Variants in CRPPA observed in about 807,000 individuals in gnomAD.
The protein encoded by CRPPA is CDP-L-ribitol pyrophosphorylase A.
In CRPPA, 43 loss-of-function variants were observed where a neutral mutation model predicts 52.0. The ratio of observed to expected loss-of-function variants is 0.83; its 90% CI spans 0.65 to 1.07. The LOEUF is 1.07. Among genes scored for constraint, CRPPA ranks in the 50% least tolerant of loss-of-function variants. The pLI is 0.00. For missense variants in CRPPA, 629 were observed against 551.7 expected (o/e 1.14, Z -1.40); for synonymous variants, 250 against 203.5 (o/e 1.23, Z -1.94).
At chr7:16,389,928 A>AAAAAAAAAAAAAAAAAAAAATATATAT in intron 2 of CRPPA, among the ~76,000 whole-genome samples, 1 of 29,758 alleles carries the variant, frequency 3.4e-5, no homozygotes, top group Non-Finnish European at 5.3e-5. Context: ...AAAAAAAAAA[A>AAAAAAAAAAAAAAAAAAAAATATATAT]ATATATATAT....
chr7:16,315,134 C>A (rs546653143), intron 3 of CRPPA, among the ~76,000 whole-genome samples: 1 of 152,234 alleles, frequency 6.6e-6, no homozygotes, highest in Admixed American at 6.5e-5. Context: ...AGTCTTTCCT[C>A]ATTCATGTCT....
chr7:16,236,328 T>C (rs1207988609), intron 8 of CRPPA, among the ~76,000 whole-genome samples: 4 of 152,098 alleles, frequency 2.6e-5, no homozygotes, highest in South Asian at 2.1e-4. Context: ...TGGGACTACC[T>C]TGACAACACT....
Position 16,262,298 on chromosome 7 carries a change from A to G in CRPPA, c.934-3286T>C, listed in dbSNP as rs186815596. Among the ~76,000 whole-genome samples the G allele has an allele frequency of 5.8e-3, 883 of 152,222 alleles. 5 individuals are homozygous for G. The highest frequency in any genetic ancestry group is 8.5e-3 in the Non-Finnish European group (581 of 67,988). ...TCTACTTTAGCTACCATTTTTTTAAATTGGAATATGCTGCAATTATCTTGA... is the reference window on the plus strand; with the variant it reads ...TCTACTTTAGCTACCATTTTTTTAAGTTGGAATATGCTGCAATTATCTTGA... On this transcript the variant is annotated intron_variant, in intron 6 of 9. Transcript: ENST00000407010.
At chr7:16,360,015 G>C (rs1052436477) in intron 3 of CRPPA, among the ~76,000 whole-genome samples, 2 of 152,026 alleles carry the variant, frequency 1.3e-5, no homozygotes, top group Admixed American at 6.6e-5. Flanking sequence ...TTTATTTTTT[G>C]TCTCCTGTTG....
intron 9 of CRPPA, among the ~76,000 whole-genome samples, chr7:16,176,546 T>A (rs1781300396): frequency 6.6e-6 from 1 of 152,146 alleles, no homozygotes; most frequent in Non-Finnish European, 1.5e-5. Context: ...ATGAAGCAAC[T>A]CTCAATTATA....
chr7:16,305,405 A>G (rs1003993915), intron 4 of CRPPA, among the ~76,000 whole-genome samples: 2 of 152,230 alleles, frequency 1.3e-5, no homozygotes, highest in Non-Finnish European at 2.9e-5. Flanking sequence ...CTCCCTTTGA[A>G]GCATGGCATT....
intron 9 of CRPPA, among the ~76,000 whole-genome samples, chr7:16,114,288 GCACACATACA>G (rs1457296848): frequency 7.7e-6 from 1 of 130,690 alleles, no homozygotes; most frequent in Admixed American, 8.5e-5. Flanking sequence ...AAGTAGACAC[GCACACATACA>G]CACACACACA....
intron 3 of CRPPA, among the ~76,000 whole-genome samples, chr7:16,340,482 T>TA (rs926592386): frequency 2.0e-5 from 3 of 151,116 alleles, no homozygotes; most frequent in African/African-American, 7.3e-5. Context: ...AATAAGGACA[T>TA]AAAAATGATG....
chr7:16,332,858 A>C (rs1785586085), intron 3 of CRPPA, among the ~76,000 whole-genome samples: 1 of 152,128 alleles, frequency 6.6e-6, no homozygotes, highest in African/African-American at 2.4e-5. Flanking sequence ...TTGTCAGACC[A>C]ATGTACAAAA....
intron 1 of CRPPA, among the ~76,000 whole-genome samples, chr7:16,416,977 C>T (rs1036548488): frequency 6.6e-6 from 1 of 152,146 alleles, no homozygotes; most frequent in African/African-American, 2.4e-5. Context: ...CAAATACCCA[C>T]ATTAAAAATG....
chr7:16,339,385 T>G (rs1785766263), intron 3 of CRPPA, among the ~76,000 whole-genome samples: 1 of 152,104 alleles, frequency 6.6e-6, no homozygotes, highest in Non-Finnish European at 1.5e-5. Flanking sequence ...TAAGGCTCAT[T>G]TAACATTCAA....
intron 5 of CRPPA, among the ~76,000 whole-genome samples, chr7:16,298,436 A>C (rs1009980281): frequency 6.6e-6 from 1 of 152,226 alleles, no homozygotes; most frequent in Non-Finnish European, 1.5e-5. Context: ...TAGAACTCTC[A>C]AATACCCTAT....
At chr7:16,172,259 G>T (rs1781205038) in intron 9 of CRPPA, among the ~76,000 whole-genome samples, 1 of 152,188 alleles carries the variant, frequency 6.6e-6, no homozygotes, top group Non-Finnish European at 1.5e-5. Context: ...GGTGTTCATT[G>T]TTCTGAAGTT....
chr7:16,173,394 T>G (rs1248102964), intron 9 of CRPPA, among the ~76,000 whole-genome samples: 4 of 152,198 alleles, frequency 2.6e-5, no homozygotes, highest in Non-Finnish European at 5.9e-5. Flanking sequence ...ATATGACAAG[T>G]ATTGCTACTC....
chr7:16,191,705 G>A (rs574176670), intron 9 of CRPPA, among the ~76,000 whole-genome samples: 7 of 152,194 alleles, frequency 4.6e-5, no homozygotes, highest in Middle Eastern at 3.4e-3. Context: ...CTACCCCAAG[G>A]TATCTGCATG....
chr7:16,280,590 G>A (rs1314013759), intron 5 of CRPPA, among the ~76,000 whole-genome samples: 2 of 152,186 alleles, frequency 1.3e-5, no homozygotes, highest in Non-Finnish European at 2.9e-5. Flanking sequence ...AACAGCATAT[G>A]TAGGTTTTCC....
intron 9 of CRPPA, among the ~76,000 whole-genome samples, chr7:16,187,465 C>G (rs1781528694): frequency 6.6e-6 from 1 of 152,152 alleles, no homozygotes; most frequent in South Asian, 2.1e-4. Flanking sequence ...AACAAAGGAA[C>G]TGGGACATTT....
At chr7:16,252,340 C>A (rs552402950) in intron 8 of CRPPA, among the ~76,000 whole-genome samples, 5 of 152,242 alleles carry the variant, frequency 3.3e-5, no homozygotes, top group African/African-American at 1.2e-4. Context: ...AGGCCTTTGA[C>A]AAAATTCACA....
intron 2 of CRPPA, among the ~76,000 whole-genome samples, chr7:16,395,923 G>A (rs1341912698): frequency 6.6e-6 from 1 of 152,180 alleles, no homozygotes; most frequent in African/African-American, 2.4e-5. Flanking sequence ...TTTTCACATA[G>A]TAGCTTCCCC....
Sources: gnomAD v4.1 joint callset for allele counts (sites outside exome capture counted in the v4.1 genomes callset) on GRCh38, gnomAD v4.1.1 for gene constraint, MANE v1.5 for transcripts, NCBI Gene and HGNC (gene_info 2026-07-23, HGNC 2026-07-21) for gene names.